Variants in TMEM38A observed in about 807,000 individuals in gnomAD.
The protein encoded by TMEM38A is trimeric intracellular cation channel type A.
Under a neutral mutation model 28.6 loss-of-function variants are expected in TMEM38A, and 17 were observed. The observed-to-expected ratio is 0.60, with a 90% CI of 0.41 to 0.89. The LOEUF (loss-of-function observed/expected upper bound fraction) is 0.89, where lower values mean the gene tolerates loss of function less well. TMEM38A is among the 40% of genes least tolerant of loss of function. TMEM38A has a pLI of 0.00. For synonymous variants in TMEM38A, 169 were observed against 166.1 expected (o/e 1.02, Z -0.14); for missense variants, 328 against 393.1 (o/e 0.83, Z 1.40).
intron 1 of TMEM38A, among the ~76,000 whole-genome samples, chr19:16,668,915 G>A (rs1231778189): frequency 6.8e-6 from 1 of 146,038 alleles, no homozygotes; most frequent in Non-Finnish European, 1.5e-5. Context: ...TGCAACCTCT[G>A]CCTCCCAGGT....
chr19:16,684,318 A>C (rs2086793129), intron 4 of TMEM38A, among the ~76,000 whole-genome samples: 1 of 151,602 alleles, frequency 6.6e-6, no homozygotes, highest in Admixed American at 6.6e-5. Context: ...TAAAAAAAAA[A>C]AGAAAAAAAA....
chr19:16,662,436 C>CTTTTTTTTTTTTTTTT (rs35226829), intron 1 of TMEM38A, among the ~76,000 whole-genome samples: 20 of 75,858 alleles, frequency 2.6e-4, no homozygotes, highest in African/African-American at 4.4e-4. Flanking sequence ...TAAATGCACG[C>CTTTTTTTTTTTTTTTT]TTTTTTTTTT....
At chr19:16,676,136 G>A (rs923234328) in intron 1 of TMEM38A, among the ~76,000 whole-genome samples, 6 of 133,454 alleles carry the variant, frequency 4.5e-5, no homozygotes, top group Non-Finnish European at 7.5e-5. Context: ...CGAGGCAGGC[G>A]GATCACGAGG....
chr19:16,671,829 C>T (rs781644807), intron 1 of TMEM38A, among the ~76,000 whole-genome samples: 8 of 152,224 alleles, frequency 5.3e-5, no homozygotes, highest in Non-Finnish European at 1.0e-4. Context: ...ACCCCCACTC[C>T]CCAACCTCGG....
At chr19:16,672,361 A>T (rs943808110) in intron 1 of TMEM38A, among the ~76,000 whole-genome samples, 1 of 151,756 alleles carries the variant, frequency 6.6e-6, no homozygotes, top group South Asian at 2.1e-4. Flanking sequence ...GCCATGTTTG[A>T]TGAAGAATTA....
In TMEM38A at chr19:16,688,418, T is replaced by A. The variant is rs1053560817; in HGVS notation, c.*47T>A. 1 of 1,423,764 alleles carries A rather than the reference T, an allele frequency of 7.0e-7. No homozygotes were observed. The highest frequency in any genetic ancestry group is 1.4e-5 in the South Asian group (1 of 69,538). 88.2% of individuals were successfully genotyped at this position (1,423,764 alleles called of 1,614,324 possible). On this transcript the variant is annotated 3_prime_UTR_variant, in exon 6 of 6. Coordinates refer to ENST00000187762, the MANE Select transcript of TMEM38A (RefSeq NM_024074.4). ...GGGAGAGGACCCGGACCCAGGACCCTCTGAGCTGGGAGGCTTCCTGCGCTC... is the reference window on the plus strand; with the variant it reads ...GGGAGAGGACCCGGACCCAGGACCCACTGAGCTGGGAGGCTTCCTGCGCTC...
chr19:16,684,702 G>A (rs925176235), intron 4 of TMEM38A, among the ~76,000 whole-genome samples: 2 of 152,056 alleles, frequency 1.3e-5, no homozygotes, highest in African/African-American at 4.8e-5. Context: ...AGAGAACTTA[G>A]CAAAGCCATT....
intron 4 of TMEM38A, among the ~76,000 whole-genome samples, chr19:16,682,987 T>G (rs1418380339): frequency 2.0e-5 from 3 of 152,170 alleles, no homozygotes; most frequent in Non-Finnish European, 4.4e-5. Flanking sequence ...ATTTTTTTAT[T>G]TTTTGAGACA....
Position 16,689,542 on chromosome 19 carries a change from A to G in TMEM38A, c.*1171A>G, listed in dbSNP as rs1044777146. On this transcript the variant is annotated 3_prime_UTR_variant, in exon 6 of 6. Transcript: ENST00000187762. ...CCCCCTAAACCAAAGAAATGGAAAC[A>G]GCTGGTTGGGGTTCCACGATCCAGC... The G allele has an allele frequency of 6.6e-6, 1 of 152,238 alleles. No homozygotes were observed. The highest frequency in any genetic ancestry group is 2.4e-5 in the African/African-American group (1 of 41,446). The allele number at this position is 152,238 out of a possible 1,614,324, so 9.4% of individuals were successfully genotyped here.
intron 1 of TMEM38A, among the ~76,000 whole-genome samples, chr19:16,673,641 T>C (rs1568314257): frequency 6.6e-6 from 1 of 152,180 alleles, no homozygotes; most frequent in Non-Finnish European, 1.5e-5. Flanking sequence ...TGCGCTCACC[T>C]GGATTTGTAG....
chr19:16,677,732 A>T (rs1022516485), intron 1 of TMEM38A, among the ~76,000 whole-genome samples: 71 of 152,012 alleles, frequency 4.7e-4, no homozygotes, highest in African/African-American at 1.5e-3. Context: ...AATTTTTAAA[A>T]TTTTTTGCAG....
At chr19:16,683,557 T>C (rs2086789846) in intron 4 of TMEM38A, among the ~76,000 whole-genome samples, 1 of 142,210 alleles carries the variant, frequency 7.0e-6, no homozygotes, top group South Asian at 2.2e-4. Flanking sequence ...CATGCCACTG[T>C]ACTCCAGCTT....
chr19:16,687,526 A>C (rs2086806720), intron 5 of TMEM38A, among the ~76,000 whole-genome samples: 1 of 152,134 alleles, frequency 6.6e-6, no homozygotes, highest in African/African-American at 2.4e-5. Context: ...GTCTCCAAAA[A>C]AAGGAAAAGG....
At chr19:16,670,009 G>A (rs1403562473) in intron 1 of TMEM38A, among the ~76,000 whole-genome samples, 1 of 150,990 alleles carries the variant, frequency 6.6e-6, no homozygotes, top group African/African-American at 2.4e-5. Context: ...CGCTATTATC[G>A]CCCAGGTTGG....
chr19:16,669,121 C>T (rs957973634), intron 1 of TMEM38A, among the ~76,000 whole-genome samples: 6 of 151,894 alleles, frequency 4.0e-5, no homozygotes, highest in Admixed American at 6.6e-5. Flanking sequence ...TGAGCCACTG[C>T]ACCCGGCCAA....
intron 1 of TMEM38A, among the ~76,000 whole-genome samples, chr19:16,676,790 G>C (rs1599389080): frequency 1.6e-5 from 2 of 122,302 alleles, no homozygotes; most frequent in Non-Finnish European, 1.6e-5. Context: ...AGGTAGTCTC[G>C]CTGTTGTTGG....
intron 2 of TMEM38A, 37 bp downstream of exon 2, chr19:16,680,177 G>A (rs775526705): frequency 6.3e-7 from 1 of 1,594,664 alleles, no homozygotes; most frequent in South Asian, 1.1e-5. Context: ...AGAGCCGGGT[G>A]GGGGAAACAA....
intron 4 of TMEM38A, among the ~76,000 whole-genome samples, chr19:16,684,617 C>T (rs2086794157): frequency 6.6e-6 from 1 of 152,198 alleles, no homozygotes; most frequent in South Asian, 2.1e-4. Context: ...GTTGTAATCA[C>T]ATTTTCTGGG....
At chr19:16,683,449 T>C (rs566529825) in intron 4 of TMEM38A, among the ~76,000 whole-genome samples, 2 of 151,782 alleles carry the variant, frequency 1.3e-5, no homozygotes, top group East Asian at 1.9e-4. Flanking sequence ...TTAAATTAGC[T>C]AGGCATGGTG....
Sources: gnomAD v4.1 joint callset for allele counts (sites outside exome capture counted in the v4.1 genomes callset) on GRCh38, gnomAD v4.1.1 for gene constraint, MANE v1.5 for transcripts, NCBI Gene and HGNC (gene_info 2026-07-23, HGNC 2026-07-21) for gene names.